ELP6: variants seen among roughly 807,000 people sequenced by gnomAD.
ELP6 encodes the protein elongator complex protein 6.
ELP6 carries 23 observed loss-of-function variants against 28.1 expected under a neutral mutation model. That is an observed-to-expected ratio of 0.82 (90% CI 0.59 to 1.16). ELP6 has a LOEUF of 1.16. ELP6 is among the 50% of genes most tolerant of loss of function. ELP6 has a pLI of 0.00. For missense variants in ELP6, 313 were observed against 334.6 expected (o/e 0.94, Z 0.50); for synonymous variants, 132 against 135.8 (o/e 0.97, Z 0.19).
chr3:47,505,019 C>A (rs1708785395), intron 3 of ELP6, among the ~76,000 whole-genome samples: 1 of 152,120 alleles, frequency 6.6e-6, no homozygotes, highest in African/African-American at 2.4e-5. Context: ...ATAATCCCAG[C>A]ACTTTGGGAG....
chr3:47,509,928 A>C, intron 3 of ELP6: 1 of 307,438 alleles, frequency 3.3e-6, no homozygotes, highest in Non-Finnish European at 6.0e-6. Flanking sequence ...CGCCCAGCTA[A>C]TTTTTGTATT....
chr3:47,496,829 G>C (rs1431192866), intron 6 of ELP6: 1 of 985,160 alleles, frequency 1.0e-6, no homozygotes, highest in Non-Finnish European at 1.2e-6. Context: ...TTTTGTACTT[G>C]CGGGCTAGAC....
rs141917574 is a variant in ELP6, at chr3:47,501,861, C to G, written c.324-10G>C. On this transcript the variant is annotated splice_polypyrimidine_tract_variant and intron_variant, in intron 4 of 6. Coordinates refer to ENST00000296149, the MANE Select transcript of ELP6 (RefSeq NM_001031703.3). Reference sequence around the variant, plus strand: ...CCCAGCATTAGCCTCCCTGGAGAGACAGGACAAAAGTTACCAGACTTCACT... The same window carrying G: ...CCCAGCATTAGCCTCCCTGGAGAGAGAGGACAAAAGTTACCAGACTTCACT... 1,105 of 1,609,278 alleles carry G rather than the reference C, an allele frequency of 6.9e-4. 6 individuals are homozygous for G. Among genetic ancestry groups the G allele is most frequent in the Middle Eastern group, 5.0e-4 (3 of 6,060 alleles).
At position 47,501,642 on chromosome 3, in the gene ELP6, A is replaced by T; in HGVS notation, c.525+8T>A. 1 of 1,614,038 alleles carries T rather than the reference A, an allele frequency of 6.2e-7. No individual in the cohort carries two copies. The highest frequency in any genetic ancestry group is 8.5e-7 in the Non-Finnish European group (1 of 1,179,924). On this transcript the variant is annotated splice_region_variant and intron_variant, in intron 5 of 6. Transcript: ENST00000296149. ...AGGTGGGCGCAGAGAAGGCAGTTCC[A>T]TGAGTACCTTTAGTTCCCAGCACAC...
At chr3:47,513,236 C>T in intron 1 of ELP6, 1 of 1,244,734 alleles carries the variant, frequency 8.0e-7, no homozygotes. Context: ...AGATGATGCA[C>T]CCGCCTCGGC....
At chr3:47,504,469 G>A (rs1708768737) in intron 3 of ELP6, 21 bp from the exon 4 acceptor site, 1 of 1,584,846 alleles carries the variant, frequency 6.3e-7, no homozygotes, top group African/African-American at 1.4e-5. Flanking sequence ...AAAAGAGAGT[G>A]AGTTACTATG....
rs750608591 is a variant in ELP6, at chr3:47,496,117, G to T, written c.753C>A (p.Asp251Glu). The change falls in exon 7 of 7, where the codon GAC (aspartate) becomes GAA (glutamate). Residue 251 changes from aspartate to glutamate, a missense_variant. Coordinates refer to ENST00000296149, the MANE Select transcript of ELP6 (RefSeq NM_001031703.3). ...CTTTGGCAAAAAAGGACACGCTTTTGTCCTGTATCTTATACTGGTAAGTGA... is the reference window on the plus strand; with the variant it reads ...CTTTGGCAAAAAAGGACACGCTTTTTTCCTGTATCTTATACTGGTAAGTGA... ...QSFTYQYKIQDKSVSFFAKGM... is the reference protein window; with the variant it reads ...QSFTYQYKIQEKSVSFFAKGM... 5.6e-6 allele frequency: 9 copies of T among 1,614,146 alleles called. No homozygotes were observed. The South Asian group carries it at 9.9e-5, about 18-fold the overall frequency.
chr3:47,509,589 A>G (rs918847990), intron 3 of ELP6, among the ~76,000 whole-genome samples: 6 of 152,184 alleles, frequency 3.9e-5, no homozygotes, highest in Non-Finnish European at 2.9e-5. Context: ...ATCTCCAACC[A>G]AGGAGGACGA....
At chr3:47,500,203 T>C (rs1415944329) in intron 5 of ELP6, 4 of 1,104,084 alleles carry the variant, frequency 3.6e-6, no homozygotes, top group African/African-American at 1.7e-5. Context: ...CAACAAAATA[T>C]ACCGTGTATT....
chr3:47,504,827 G>A (rs1464571140), intron 3 of ELP6: 3 of 170,122 alleles, frequency 1.8e-5, no homozygotes, highest in African/African-American at 7.2e-5. Context: ...AAGTGTGGTA[G>A]TTTGCACCTG....
chr3:47,502,597 G>A (rs1161192334), intron 4 of ELP6: 2 of 962,872 alleles, frequency 2.1e-6, no homozygotes, highest in African/African-American at 3.5e-5. Flanking sequence ...CACTTTGGGG[G>A]GCCAGCGGGG....
At position 47,500,906 on chromosome 3, in the gene ELP6, G is replaced by A. The variant is rs141098708; in HGVS notation, c.525+744C>T. Reference sequence around the variant, plus strand: ...GACCGCACCATACCACTGTCCACACGTTCCTGCCAGCTACACCATCACACA... The same window carrying A: ...GACCGCACCATACCACTGTCCACACATTCCTGCCAGCTACACCATCACACA... On this transcript the variant is annotated intron_variant, in intron 5 of 6. Transcript: ENST00000296149. Among the ~76,000 whole-genome samples the A allele has an allele frequency of 6.6e-5, 10 of 152,224 alleles. No individual in the cohort carries two copies. The East Asian group carries it at 1.4e-3, about 21-fold the overall frequency.
chr3:47,498,137 T>C (rs1708531799), intron 6 of ELP6, 149 bp downstream of exon 6: 2 of 1,371,938 alleles, frequency 1.5e-6, no homozygotes, highest in Admixed American at 2.1e-5. Flanking sequence ...AGCAGGTCTA[T>C]TACCTGAAGT....
chr3:47,499,397 T>C (rs527725555), intron 5 of ELP6, among the ~76,000 whole-genome samples: 1 of 151,948 alleles, frequency 6.6e-6, no homozygotes, highest in South Asian at 2.1e-4. Flanking sequence ...CATGTGCCTG[T>C]AATCCCAGCT....
intron 1 of ELP6, chr3:47,512,378 A>G (rs1709040196): frequency 6.1e-6 from 1 of 162,668 alleles, no homozygotes; most frequent in African/African-American, 2.4e-5. Flanking sequence ...CTAACAAAAA[A>G]TACAAAAAAA....
intron 3 of ELP6, among the ~76,000 whole-genome samples, chr3:47,508,765 CTTT>C (rs1218072845): frequency 3.8e-5 from 5 of 132,184 alleles, no homozygotes; most frequent in African/African-American, 2.8e-5. Flanking sequence ...TTTTTTTTTC[CTTT>C]TTTTTTTTTT....
chr3:47,512,097 T>A (rs1709032157), intron 1 of ELP6: 2 of 985,030 alleles, frequency 2.0e-6, no homozygotes, highest in Non-Finnish European at 2.4e-6. Context: ...CAGAGTCATC[T>A]GGACAAGAAC....
rs779118141 is a variant in ELP6, at chr3:47,504,306, G to C, written c.323+24C>G. The stretch of plus-strand genomic sequence containing the variant: ...GGCCCACCTGCCACGTGTTGCTTCC[G>C]GGCTGGGCTGTAGGCTGACTGACCT... On this transcript the variant is annotated intron_variant, in intron 4 of 6. Coordinates refer to ENST00000296149, the MANE Select transcript of ELP6 (RefSeq NM_001031703.3). The C allele has an allele frequency of 3.8e-6, 6 of 1,576,682 alleles. No individual in the cohort carries two copies. The African/African-American group carries it at 5.4e-5, about 14-fold the overall frequency.
intron 3 of ELP6, among the ~76,000 whole-genome samples, chr3:47,509,250 C>T (rs1473706865): frequency 6.6e-6 from 1 of 152,196 alleles, no homozygotes; most frequent in Non-Finnish European, 1.5e-5. Flanking sequence ...GCATGAGCCA[C>T]CACGCCTGGC....
Sources: gnomAD v4.1 joint callset for allele counts (sites outside exome capture counted in the v4.1 genomes callset) on GRCh38, gnomAD v4.1.1 for gene constraint, MANE v1.5 for transcripts, NCBI Gene and HGNC (gene_info 2026-07-23, HGNC 2026-07-21) for gene names.